Variants in POU6F2 observed in about 807,000 individuals in gnomAD.
POU6F2 encodes the protein POU domain, class 6, transcription factor 2.
Under a neutral mutation model 71.3 loss-of-function variants are expected in POU6F2, and 31 were observed. That is an observed-to-expected ratio of 0.43 (90% confidence interval 0.33 to 0.59). POU6F2 has a LOEUF of 0.59. Among genes scored for constraint, POU6F2 ranks in the 20% least tolerant of loss-of-function variants. POU6F2 has a pLI of 0.04. For missense variants in POU6F2, 783 were observed against 856.8 expected (o/e 0.91, Z 1.07); for synonymous variants, 347 against 355.7 (o/e 0.98, Z 0.27).
intron 2 of POU6F2, among the ~76,000 whole-genome samples, chr7:39,107,179 G>A (rs1791709360): frequency 6.6e-6 from 1 of 151,732 alleles, no homozygotes; most frequent in African/African-American, 2.4e-5. Context: ...CAAGTAGCTG[G>A]GACCACAGGC....
chr7:39,339,566 A>G (rs940857980), intron 4 of POU6F2, 76 bp from the exon 5 acceptor site: 84 of 1,488,578 alleles, frequency 5.6e-5, no homozygotes, highest in Non-Finnish European at 3.6e-5. Context: ...CTCCACTTGC[A>G]CTGGACAGGC....
intron 1 of POU6F2, among the ~76,000 whole-genome samples, chr7:39,035,128 T>G (rs948550516): frequency 2.0e-5 from 3 of 151,746 alleles, no homozygotes; most frequent in Admixed American, 2.0e-4. Context: ...TTTTAAAGTT[T>G]TTTTTAAAGT....
intron 5 of POU6F2, among the ~76,000 whole-genome samples, chr7:39,382,594 C>T (rs1786852632): frequency 6.6e-6 from 1 of 152,180 alleles, no homozygotes; most frequent in Non-Finnish European, 1.5e-5. Flanking sequence ...TAGGATAGAG[C>T]TGGCTGTCTT....
intron 5 of POU6F2, among the ~76,000 whole-genome samples, chr7:39,343,246 A>G (rs1353480839): frequency 6.6e-6 from 1 of 152,224 alleles, no homozygotes; most frequent in East Asian, 1.9e-4. Flanking sequence ...AGCTGAATTT[A>G]GTCCTTGGGT....
At chr7:39,451,794 T>C in intron 8 of POU6F2, 93 bp downstream of exon 8, 1 of 1,403,248 alleles carries the variant, frequency 7.1e-7, no homozygotes, top group East Asian at 2.5e-5. Context: ...CACTCTCTCT[T>C]GCTCTCTCTT....
chr7:38,992,124 G>A (rs576926172), intron 1 of POU6F2, among the ~76,000 whole-genome samples: 5 of 152,278 alleles, frequency 3.3e-5, no homozygotes, highest in Admixed American at 6.5e-5. Flanking sequence ...CGGGAGCTCA[G>A]TGGGCACTAT....
chr7:39,016,007 T>A (rs1285950316), intron 1 of POU6F2, among the ~76,000 whole-genome samples: 1 of 48,102 alleles, frequency 2.1e-5, no homozygotes, highest in African/African-American at 7.4e-5. Context: ...TAGATATATA[T>A]TATATATTAT....
intron 1 of POU6F2, among the ~76,000 whole-genome samples, chr7:39,036,930 C>CCTAAAATACCTTTTGGTATTTTGTTTGTT (rs1790078628): frequency 6.6e-6 from 1 of 151,472 alleles, no homozygotes; most frequent in Non-Finnish European, 1.5e-5. Context: ...TTCAAGGGTA[C>CCTAAAATACCTTTTGGTATTTTGTTTGTT]ATGTGCAGGT....
intron 1 of POU6F2, among the ~76,000 whole-genome samples, chr7:39,034,858 G>A (rs1790023665): frequency 1.3e-5 from 2 of 152,066 alleles, no homozygotes; most frequent in Admixed American, 1.3e-4. Flanking sequence ...TTGGTTGTGA[G>A]GGGATGCCGA....
chr7:39,086,780 GC>G (rs982562476), intron 2 of POU6F2, among the ~76,000 whole-genome samples: 1 of 152,146 alleles, frequency 6.6e-6, no homozygotes, highest in African/African-American at 2.4e-5. Context: ...CACTCTGTAA[GC>G]CAACTCATGC....
At chr7:38,989,805 G>A (rs859536) in intron 1 of POU6F2, among the ~76,000 whole-genome samples, 25,164 of 131,958 alleles carry the variant, frequency 0.19, 2,328 homozygotes, top group Middle Eastern at 0.27. Context: ...GTGTGTTTGT[G>A]TGTGTGTGTG....
chr7:39,101,456 T>A (rs1791570952), intron 2 of POU6F2, among the ~76,000 whole-genome samples: 1 of 151,980 alleles, frequency 6.6e-6, no homozygotes, highest in Non-Finnish European at 1.5e-5. Flanking sequence ...ATTTTTTTTT[T>A]TTTTTTGGTA....
intron 4 of POU6F2, among the ~76,000 whole-genome samples, chr7:39,242,368 A>G (rs1584620445): frequency 7.9e-6 from 1 of 126,492 alleles, no homozygotes; most frequent in African/African-American, 3.0e-5. Flanking sequence ...TCATGTTGTC[A>G]GTTTTTGTTT....
chr7:39,295,080 T>C (rs6462904), intron 4 of POU6F2, among the ~76,000 whole-genome samples: 126,278 of 151,998 alleles, frequency 0.83, 52,476 homozygotes, highest in Admixed American at 0.89. Context: ...ACTCTAGGGT[T>C]AAAAAATTAT....
intron 5 of POU6F2, among the ~76,000 whole-genome samples, chr7:39,355,221 A>G (rs1190368898): frequency 6.6e-6 from 1 of 152,198 alleles, no homozygotes; most frequent in African/African-American, 2.4e-5. Context: ...GGTGTTTTTC[A>G]TGACATTGTG....
intron 4 of POU6F2, among the ~76,000 whole-genome samples, chr7:39,284,213 A>T (rs906262414): frequency 6.6e-6 from 1 of 152,226 alleles, no homozygotes; most frequent in African/African-American, 2.4e-5. Context: ...GATTCCATTT[A>T]ACACATCTCA....
At chr7:39,067,232 T>G (rs1260082162) in intron 1 of POU6F2, among the ~76,000 whole-genome samples, 1 of 149,816 alleles carries the variant, frequency 6.7e-6, no homozygotes, top group Non-Finnish European at 1.5e-5. Flanking sequence ...TGCTCTAAAA[T>G]TTGATTATTT....
At chr7:39,080,855 T>C (rs1264392031) in intron 1 of POU6F2, among the ~76,000 whole-genome samples, 1 of 152,242 alleles carries the variant, frequency 6.6e-6, no homozygotes, top group Non-Finnish European at 1.5e-5. Flanking sequence ...GACTATAAAA[T>C]GAGAATGAAT....
chr7:39,282,392 CTA>C (rs1303418466), intron 4 of POU6F2, among the ~76,000 whole-genome samples: 7 of 152,076 alleles, frequency 4.6e-5, no homozygotes, highest in Non-Finnish European at 7.4e-5. Context: ...ATCATTTCCT[CTA>C]TGTTTTCTTC....
Sources: allele counts gnomAD v4.1 joint callset (sites outside exome capture counted in the v4.1 genomes callset), GRCh38; gene constraint gnomAD v4.1.1; transcripts MANE v1.5; gene names NCBI Gene and HGNC (gene_info 2026-07-23, HGNC 2026-07-21).